RFPL4A: variants seen among roughly 807,000 people sequenced by gnomAD.
The protein encoded by RFPL4A is ret finger protein-like 4A.
Under a neutral mutation model 8.3 loss-of-function variants are expected in RFPL4A, and 4 were observed. That is an observed-to-expected ratio of 0.48 (90% CI 0.24 to 1.10). The LOEUF (loss-of-function observed/expected upper bound fraction) is 1.10, where lower values mean the gene tolerates loss of function less well. RFPL4A is among the 50% of genes least tolerant of loss of function. The pLI is 0.18. For missense variants in RFPL4A, 111 were observed against 358.7 expected, an observed-to-expected ratio of 0.31 and a Z score of 5.58; for synonymous variants, 43 against 136.6, an observed-to-expected ratio of 0.31 and a Z score of 4.78.
upstream of RFPL4A, among the ~76,000 whole-genome samples, chr19:55,757,386 GAA>G (rs1490866400): frequency 3.3e-5 from 5 of 151,674 alleles, no homozygotes; most frequent in East Asian, 9.7e-4. Flanking sequence ...AAAAAAAAAA[GAA>G]AAGTTTGCTT....
chr19:55,761,488 C>T (rs563356256), intron 1 of RFPL4A, among the ~76,000 whole-genome samples: 1 of 141,508 alleles, frequency 7.1e-6, no homozygotes, highest in African/African-American at 2.7e-5. Context: ...TTTCAGGTCT[C>T]AATAGCCATT....
intron 1 of RFPL4A, among the ~76,000 whole-genome samples, chr19:55,760,152 C>G (rs1182699935): frequency 2.0e-5 from 3 of 151,706 alleles, no homozygotes; most frequent in Admixed American, 2.0e-4. Context: ...CATTTTCTTT[C>G]CCACCAACCG....
At chr19:55,761,694 T>A in intron 1 of RFPL4A, 98 bp from the exon 2 acceptor site, 2 of 1,479,552 alleles carry the variant, frequency 1.4e-6, no homozygotes, top group Non-Finnish European at 1.8e-6. Context: ...TGTCGTGCTA[T>A]GATAGCTCCA....
In RFPL4A at chr19:55,762,728, CGT is replaced by C; in HGVS notation, c.418_419del (p.Val140ProfsTer93). ...CTGAGAGGTTCGACACTGCCCTGTG[CGT>C]CCTGGGCACCCCTCGCTTCACTTCC... ...QAERFDTALC[V>X]LGTPRFTSGR... is the part of the protein sequence containing the mutation. On this transcript the variant is annotated frameshift_variant, in exon 3 of 3. Coordinates refer to ENST00000434937, the MANE Select transcript of RFPL4A (RefSeq NM_001145014.2). LOFTEE classifies it low-confidence loss of function (END_TRUNC). The C allele has an allele frequency of 6.5e-7, 1 of 1,550,382 alleles. No individual in the cohort carries two copies. The highest frequency in any genetic ancestry group is 1.2e-5 in the South Asian group (1 of 83,958).
chr19:55,762,558 G>A (rs755669740), intron 2 of RFPL4A, 40 bp from the exon 3 acceptor site: 3 of 1,551,352 alleles, frequency 1.9e-6, no homozygotes, highest in East Asian at 2.4e-5. Context: ...GGAGTCTGTA[G>A]TGTGTGTCTT....
At chr19:55,757,560 T>C (rs1989195640), upstream of RFPL4A, among the ~76,000 whole-genome samples, 1 of 151,858 alleles carries the variant, frequency 6.6e-6, no homozygotes, top group African/African-American at 2.4e-5. Flanking sequence ...CCTAAAGTAC[T>C]GAACTGTACA....
At chr19:55,757,541 C>G (rs1321815265), upstream of RFPL4A, among the ~76,000 whole-genome samples, 1 of 151,970 alleles carries the variant, frequency 6.6e-6, no homozygotes, top group Non-Finnish European at 1.5e-5. Context: ...TATTCAAACA[C>G]AGAAGACCCC....
upstream of RFPL4A, among the ~76,000 whole-genome samples, chr19:55,757,997 AT>A (rs1989205247): frequency 6.6e-6 from 1 of 152,260 alleles, no homozygotes; most frequent in African/African-American, 2.4e-5. Flanking sequence ...ATGTGAGTAT[AT>A]TTTAAAAGGA....
intron 2 of RFPL4A, among the ~76,000 whole-genome samples, chr19:55,762,392 C>T (rs1989304050): frequency 6.6e-6 from 1 of 151,380 alleles, no homozygotes; most frequent in South Asian, 2.1e-4. Context: ...ATAAGGTGGA[C>T]TTGTTACAAT....
chr19:55,759,571 TC>T (rs1989241252), intron 1 of RFPL4A, among the ~76,000 whole-genome samples: 1 of 151,872 alleles, frequency 6.6e-6, no homozygotes, highest in Non-Finnish European at 1.5e-5. Context: ...AGTTTTTTGT[TC>T]CTTTTAATTC....
intron 1 of RFPL4A, among the ~76,000 whole-genome samples, chr19:55,760,115 C>A (rs560238920): frequency 6.6e-6 from 1 of 151,794 alleles, no homozygotes; most frequent in East Asian, 2.0e-4. Context: ...TCAGAAACCT[C>A]CCTACTATTT....
At chr19:55,760,477 G>A (rs1451235761) in intron 1 of RFPL4A, among the ~76,000 whole-genome samples, 2 of 151,484 alleles carry the variant, frequency 1.3e-5, no homozygotes, top group Non-Finnish European at 2.9e-5. Context: ...TGGCCTTCGG[G>A]GTTTCTATTT....
At chr19:55,757,986 A>G (rs1385437075), upstream of RFPL4A, among the ~76,000 whole-genome samples, 6 of 152,226 alleles carry the variant, frequency 3.9e-5, no homozygotes, top group Admixed American at 2.6e-4. Flanking sequence ...TGCTCCCAGA[A>G]ATGTGAGTAT....
At chr19:55,762,255 G>C (rs1426020501) in intron 2 of RFPL4A, among the ~76,000 whole-genome samples, 169 bp downstream of exon 2, 1 of 150,042 alleles carries the variant, frequency 6.7e-6, no homozygotes. Flanking sequence ...CATGGAATCT[G>C]TGCAAGTTTG....
At chr19:55,761,257 T>G (rs1039373566) in intron 1 of RFPL4A, among the ~76,000 whole-genome samples, 13 of 138,734 alleles carry the variant, frequency 9.4e-5, no homozygotes, top group African/African-American at 3.1e-4. Context: ...AATAGAAACA[T>G]AAGATAACCC....
In RFPL4A at chr19:55,762,597, G is replaced by A; in HGVS notation, c.287-1G>A. On this transcript the variant is annotated splice_acceptor_variant, in intron 2 of 2. Transcript: ENST00000434937. LOFTEE classifies it high-confidence loss of function. ...TGAACTCCTGGTTCTTCTTTGCACA[G>A]TGGATATGACGTTCGATGTGGACAC... is the stretch of plus-strand genomic sequence containing the variant. 2 of 1,551,686 alleles carry A rather than the reference G, an allele frequency of 1.3e-6. No homozygotes were observed. Among genetic ancestry groups the A allele is most frequent in the East Asian group, 2.4e-5 (1 of 40,924 alleles).
intron 1 of RFPL4A, 117 bp from the exon 2 acceptor site, chr19:55,761,675 G>C: frequency 6.9e-7 from 1 of 1,458,338 alleles, no homozygotes; most frequent in Non-Finnish European, 9.2e-7. Flanking sequence ...TAGCAGTAGT[G>C]ATTTTAAGTG....
At chr19:55,757,437 G>A (rs1172406449), upstream of RFPL4A, among the ~76,000 whole-genome samples, 9 of 152,086 alleles carry the variant, frequency 5.9e-5, no homozygotes, top group Admixed American at 5.9e-4. Context: ...AGCCACCGAA[G>A]CCAACCATTT....
upstream of RFPL4A, among the ~76,000 whole-genome samples, chr19:55,757,438 C>A (rs2122382892): frequency 6.6e-6 from 1 of 152,082 alleles, no homozygotes; most frequent in South Asian, 2.1e-4. Context: ...GCCACCGAAG[C>A]CAACCATTTA....
Sources: allele counts gnomAD v4.1 joint callset (sites outside exome capture counted in the v4.1 genomes callset), GRCh38; gene constraint gnomAD v4.1.1; transcripts MANE v1.5; gene names NCBI Gene and HGNC (gene_info 2026-07-23, HGNC 2026-07-21).